The following CDC16 variants were observed in gnomAD, a reference collection of about 807,000 sequenced individuals.
CDC16 encodes cell division cycle 16, also known as cell division cycle protein 16 homolog.
In CDC16, 34 loss-of-function variants were observed where a neutral mutation model predicts 87.0. The ratio of observed to expected loss-of-function variants is 0.39; its 90% CI spans 0.30 to 0.52. The LOEUF (loss-of-function observed/expected upper bound fraction) is 0.52. Ranked by LOEUF, CDC16 falls within the 20% of genes least tolerant of loss-of-function variation. The pLI is 0.74. For missense variants in CDC16, 653 were observed against 751.9 expected, an observed-to-expected ratio of 0.87 and a Z score of 1.54; for synonymous variants, 263 against 260.6, an observed-to-expected ratio of 1.01 and a Z score of -0.09.
intron 14 of CDC16, 38 bp from the exon 15 acceptor site, chr13:114,261,849 C>T: frequency 2.8e-6 from 4 of 1,439,706 alleles, no homozygotes; most frequent in Non-Finnish European, 3.8e-6. Context: ...TGAACAGTGA[C>T]ATATATAACT....
chr13:114,266,765 C>T (rs1014983492), intron 17 of CDC16, among the ~76,000 whole-genome samples: 2 of 151,874 alleles, frequency 1.3e-5, no homozygotes, highest in Non-Finnish European at 2.9e-5. Context: ...AGGATCTCTG[C>T]TCACTGCAAG....
Position 114,247,148 on chromosome 13 carries a change from C to CT in CDC16, c.971+147dup, listed in dbSNP as rs147113527. 5,214 of 610,550 alleles carry CT rather than the reference C, an allele frequency of 8.5e-3. 84 individuals carry two copies. The highest frequency in any genetic ancestry group is 0.049 in the African/African-American group (2,601 of 52,852). 37.8% of individuals were successfully genotyped at this position (610,550 alleles called of 1,614,324 possible). The stretch of plus-strand genomic sequence containing the variant: ...TTTTCTTCCTTTCTTTTCTTTCTCT[C>CT]TTTCTTTCTTGCCTTTTCTTTTCCT... On this transcript the variant is annotated intron_variant, in intron 11 of 17. Coordinates refer to ENST00000356221, the MANE Select transcript of CDC16 (RefSeq NM_001078645.3).
At position 114,257,560 on chromosome 13, in the gene CDC16, C is replaced by T. The variant is rs888508893; in HGVS notation, c.1250+330C>T. Among the ~76,000 whole-genome samples the T allele has an allele frequency of 4.9e-4, 74 of 152,162 alleles. 1 individual carries two copies. The highest frequency in any genetic ancestry group is 3.3e-3 in the Admixed American group (50 of 15,294). On this transcript the variant is annotated intron_variant, in intron 13 of 17. Coordinates refer to ENST00000356221, the MANE Select transcript of CDC16 (RefSeq NM_001078645.3). ...CTGTGTTGATAAGGAGTTGAATTTA[C>T]GTATTTGAGAAGAATTTGACATGGT... is the stretch of plus-strand genomic sequence containing the variant.
intron 16 of CDC16, among the ~76,000 whole-genome samples, chr13:114,263,698 G>A (rs1339301561): frequency 6.6e-6 from 1 of 152,204 alleles, no homozygotes; most frequent in Non-Finnish European, 1.5e-5. Context: ...CCCAGTTCCT[G>A]ACTCTGGGTT....
rs754519519 is a variant in CDC16 at position 114,239,379 on chromosome 13, T to G, written c.270T>G (p.Leu90=). ...HYAAKEHQQA[L]DVLDMEEPIN... is the part of the protein sequence containing the mutation. ...CTGCAAAAGAGCACCAGCAGGCCCT[T>G]GATGTTCTTGACATGGAAGAGCCCA... Residue 90 remains leucine (L), a synonymous_variant, in exon 5 of 18, where the codon CTT becomes CTG. Coordinates refer to ENST00000356221, the MANE Select transcript of CDC16 (RefSeq NM_001078645.3). The G allele has an allele frequency of 6.2e-7, 1 of 1,611,256 alleles. No individual in the cohort carries two copies. The highest frequency in any genetic ancestry group is 8.5e-7 in the Non-Finnish European group (1 of 1,177,584).
intron 12 of CDC16, among the ~76,000 whole-genome samples, chr13:114,251,327 T>G (rs985575374): frequency 6.6e-5 from 10 of 152,184 alleles, no homozygotes; most frequent in African/African-American, 2.4e-4. Flanking sequence ...TGGGCAAGTT[T>G]TTTAGCCTCC....
intron 10 of CDC16, 24 bp downstream of exon 10, chr13:114,246,073 T>G: frequency 8.4e-7 from 1 of 1,194,550 alleles, no homozygotes; most frequent in East Asian, 2.4e-5. Flanking sequence ...CTTTTAGTCT[T>G]AGTTTTTTTT....
In CDC16 at chr13:114,262,774, C is replaced by A. The variant is rs17291487; in HGVS notation, c.1377-105C>A. On this transcript the variant is annotated intron_variant, in intron 15 of 17. Coordinates refer to ENST00000356221, the MANE Select transcript of CDC16 (RefSeq NM_001078645.3). ...ACATTCACCAGTCTAGACTGCTGTT[C>A]TCATTGAGACAGCGTTTCTTGGGTG... The A allele has an allele frequency of 2.1e-3, 2,247 of 1,089,364 alleles. 26 individuals carry two copies. The African/African-American group carries it at 0.029, about 14-fold the overall frequency. 67.5% of individuals were successfully genotyped at this position (1,089,364 alleles called of 1,614,324 possible).
At chr13:114,237,506 A>G (rs8001294) in intron 3 of CDC16, among the ~76,000 whole-genome samples, 2,524 of 152,176 alleles carry the variant, frequency 0.017, 72 homozygotes, top group African/African-American at 0.058. Context: ...TGCCCAGGCT[A>G]GTCTTGAACT....
In CDC16 at chr13:114,261,820, C is replaced by T; in HGVS notation, c.1315-67C>T. On this transcript the variant is annotated intron_variant, in intron 14 of 17. Coordinates refer to ENST00000356221, the MANE Select transcript of CDC16 (RefSeq NM_001078645.3). ...CCAGCTTGCAAGGCGTGAAATAATTCAGTGCAAACAAATCAGGCTGAACAG... is the reference window on the plus strand; with the variant it reads ...CCAGCTTGCAAGGCGTGAAATAATTTAGTGCAAACAAATCAGGCTGAACAG... 2.7e-6 allele frequency: 3 copies of T among 1,111,936 alleles called. No homozygotes were observed. The South Asian group carries it at 4.4e-5, about 16-fold the overall frequency. The allele number at this position is 1,111,936 out of a possible 1,614,324, so 68.9% of individuals were successfully genotyped here. A position where few individuals can be genotyped will look rare whatever the true frequency, so the allele number is the denominator to read the frequency against.
chr13:114,245,302 C>G (rs2138932792), intron 9 of CDC16, among the ~76,000 whole-genome samples: 1 of 136,334 alleles, frequency 7.3e-6, no homozygotes, highest in Middle Eastern at 3.6e-3. Flanking sequence ...CACTGGAAAT[C>G]TGATATGGTA....
intron 8 of CDC16, 55 bp from the exon 9 acceptor site, chr13:114,244,835 G>C: frequency 1.9e-6 from 2 of 1,080,490 alleles, no homozygotes; most frequent in Non-Finnish European, 2.8e-6. Flanking sequence ...GCCGATCGTC[G>C]TGAGTGCTGT....
At chr13:114,245,301 T>A (rs1281526332) in intron 9 of CDC16, among the ~76,000 whole-genome samples, 2 of 140,628 alleles carry the variant, frequency 1.4e-5, no homozygotes, top group Admixed American at 1.4e-4. Context: ...CCACTGGAAA[T>A]CTGATATGGT....
intron 12 of CDC16, among the ~76,000 whole-genome samples, chr13:114,254,687 ACT>A (rs1456676539): frequency 1.3e-5 from 2 of 152,066 alleles, no homozygotes; most frequent in South Asian, 2.1e-4. Context: ...TTTTTATCAG[ACT>A]CTCATTTCTT....
At chr13:114,265,972 C>T (rs1463743787) in intron 17 of CDC16, among the ~76,000 whole-genome samples, 2 of 152,152 alleles carry the variant, frequency 1.3e-5, no homozygotes, top group Admixed American at 6.5e-5. Flanking sequence ...TGTGCTACCA[C>T]GCCTAGCTAA....
At chr13:114,264,450 G>A (rs1029754621) in intron 16 of CDC16, among the ~76,000 whole-genome samples, 3 of 151,948 alleles carry the variant, frequency 2.0e-5, no homozygotes, top group East Asian at 1.9e-4. Flanking sequence ...CCCTGCGCCC[G>A]GTCCCAGGCT....
chr13:114,243,339 AT>A lies in CDC16; in HGVS notation c.626del (p.Leu209Ter). 1 of 1,541,078 alleles carries A rather than the reference AT, an allele frequency of 6.5e-7. No homozygotes were observed. Among genetic ancestry groups the A allele is most frequent in the Non-Finnish European group, 9.0e-7 (1 of 1,113,980 alleles). The part of the protein sequence containing the change: ...ELLRFLFENK[L>X]KKYNKPSETV... ...TGCTGCGTTTTCTATTTGAGAACAA[AT>A]TGAAAAAAGTAAGTAAAACCAAAGA... On this transcript the variant is annotated frameshift_variant, in exon 7 of 18. Transcript: ENST00000356221. LOFTEE classifies it high-confidence loss of function.
At chr13:114,239,308 A>G in intron 4 of CDC16, 42 bp from the exon 5 acceptor site, 2 of 1,567,420 alleles carry the variant, frequency 1.3e-6, no homozygotes, top group African/African-American at 1.4e-5. Flanking sequence ...GTTTCGTGTT[A>G]GAAGTCGTGA....
intron 12 of CDC16, among the ~76,000 whole-genome samples, chr13:114,251,087 T>C (rs972837657): frequency 9.2e-5 from 14 of 152,364 alleles, no homozygotes; most frequent in African/African-American, 2.9e-4. Flanking sequence ...ATTAAATGTA[T>C]TGAAACTAAG....
Sources: allele counts gnomAD v4.1 joint callset (sites outside exome capture counted in the v4.1 genomes callset), GRCh38; gene constraint gnomAD v4.1.1; transcripts MANE v1.5; gene names NCBI Gene and HGNC (gene_info 2026-07-23, HGNC 2026-07-21).